Variants in FGF12 observed in about 807,000 individuals in gnomAD.
FGF12 encodes the protein fibroblast growth factor 12, also known as fibroblast growth factor 12B.
In FGF12, 14 loss-of-function variants were observed where a neutral mutation model predicts 23.6. The ratio of observed to expected loss-of-function variants is 0.59; its 90% CI spans 0.39 to 0.93. The LOEUF (loss-of-function observed/expected upper bound fraction) is 0.93. Among genes scored for constraint, FGF12 ranks in the 40% least tolerant of loss-of-function variants. FGF12 has a pLI of 0.00. For missense variants in FGF12, 175 were observed against 217.8 expected, an observed-to-expected ratio of 0.80 and a Z score of 1.24; for synonymous variants, 62 against 77.3, an observed-to-expected ratio of 0.80 and a Z score of 1.04.
At chr3:192,165,519 T>A (rs71635018) in intron 5 of FGF12, among the ~76,000 whole-genome samples, 13 of 2,226 alleles carry the variant, frequency 5.8e-3, no homozygotes, top group South Asian at 0.091. Flanking sequence ...CTGGTCCAAT[T>A]TTTTTTTTTT....
At chr3:192,239,927 A>G (rs2366573) in intron 4 of FGF12, among the ~76,000 whole-genome samples, 1 of 151,826 alleles carries the variant, frequency 6.6e-6, no homozygotes, top group Admixed American at 6.5e-5. Context: ...GTCTTAGTGA[A>G]ACAGGGTAAG....
At chr3:192,319,877 A>C (rs1268600540) in intron 4 of FGF12, among the ~76,000 whole-genome samples, 1 of 152,202 alleles carries the variant, frequency 6.6e-6, no homozygotes, top group Non-Finnish European at 1.5e-5. Flanking sequence ...AGAAATTAAA[A>C]TATGCTAGCA....
chr3:192,432,658 A>G lies in FGF12; in HGVS notation c.14-72120T>C, dbSNP rs191109232. Among the ~76,000 whole-genome samples, 1,222 of 151,892 alleles carry G rather than the reference A, an allele frequency of 8.0e-3. 20 individuals carry two copies. Among genetic ancestry groups the G allele is most frequent in the African/African-American group, 0.028 (1,162 of 41,370 alleles). Reference sequence around the variant, plus strand: ...AAAAAAAAAAGAAAGAAAGAAAGAAAGAAAAGAAAAGAAAGGATGTCAGTC... The same window carrying G: ...AAAAAAAAAAGAAAGAAAGAAAGAAGGAAAAGAAAAGAAAGGATGTCAGTC... On this transcript the variant is annotated intron_variant, in intron 2 of 5. Transcript: ENST00000445105.
rs918879715 is a variant in FGF12 at position 192,679,579 on chromosome 3, C to T, written c.13+47602G>A. 2.0e-5 allele frequency among the ~76,000 whole-genome samples: 3 copies of T among 152,082 alleles called. No individual in the cohort carries two copies. The South Asian group carries it at 6.2e-4, about 32-fold the overall frequency. On this transcript the variant is annotated intron_variant, in intron 2 of 5. Coordinates refer to ENST00000445105, the MANE Select transcript of FGF12 (RefSeq NM_004113.6). ...TGTGATTGTGCCACCGCACTCCAAC[C>T]TGGGTGACAGAGCAGGACCCTTTCT... is the stretch of plus-strand genomic sequence containing the variant.
chr3:192,313,338 A>T (rs1281807360), intron 4 of FGF12, among the ~76,000 whole-genome samples: 1 of 152,214 alleles, frequency 6.6e-6, no homozygotes, highest in Non-Finnish European at 1.5e-5. Flanking sequence ...ATTTTCAGGA[A>T]TAGCTATATT....
intron 4 of FGF12, among the ~76,000 whole-genome samples, chr3:192,241,030 A>G (rs1719590626): frequency 1.3e-5 from 2 of 152,202 alleles, no homozygotes; most frequent in Admixed American, 1.3e-4. Flanking sequence ...AAAATATTCA[A>G]GGAAAGAAAA....
At chr3:192,525,824 G>T (rs1477568641) in intron 2 of FGF12, among the ~76,000 whole-genome samples, 1 of 152,112 alleles carries the variant, frequency 6.6e-6, no homozygotes, top group African/African-American at 2.4e-5. Flanking sequence ...CGCCAGGCTG[G>T]AGTGCAGTGG....
chr3:192,158,393 CTCTCTTTCTT>C (rs1714617084), intron 5 of FGF12, among the ~76,000 whole-genome samples: 1 of 79,232 alleles, frequency 1.3e-5, no homozygotes, highest in African/African-American at 9.9e-5. Flanking sequence ...TTTTCTTTCT[CTCTCTTTCTT>C]TTTCTTTCTT....
At chr3:192,700,474 G>T (rs1718255915) in intron 2 of FGF12, among the ~76,000 whole-genome samples, 2 of 152,242 alleles carry the variant, frequency 1.3e-5, no homozygotes, top group South Asian at 4.1e-4. Context: ...TTAAAGATTT[G>T]TCACTGAAAC....
chr3:192,456,459 C>A (rs115162721), intron 2 of FGF12, among the ~76,000 whole-genome samples: 1 of 152,194 alleles, frequency 6.6e-6, no homozygotes, highest in African/African-American at 2.4e-5. Flanking sequence ...AAAGATTAAT[C>A]TTTTTTATTA....
chr3:192,387,258 C>T (rs1466330267), intron 2 of FGF12, among the ~76,000 whole-genome samples: 1 of 152,128 alleles, frequency 6.6e-6, no homozygotes, highest in Non-Finnish European at 1.5e-5. Context: ...ATTCAAATGA[C>T]ACCTCCTTGT....
intron 2 of FGF12, among the ~76,000 whole-genome samples, chr3:192,419,391 A>C (rs73064264): frequency 0.06 from 9,205 of 152,186 alleles, 827 homozygotes; most frequent in African/African-American, 0.2. Flanking sequence ...GAAGAACTTG[A>C]GTATTGTGTG....
At chr3:192,148,298 A>C (rs544072622) in intron 5 of FGF12, among the ~76,000 whole-genome samples, 1 of 152,220 alleles carries the variant, frequency 6.6e-6, no homozygotes, top group Non-Finnish European at 1.5e-5. Flanking sequence ...AAATTCTGAC[A>C]CATACTACAA....
At chr3:192,521,471 G>A (rs575932927) in intron 2 of FGF12, 6 of 152,212 alleles carry the variant, frequency 3.9e-5, no homozygotes, top group African/African-American at 1.4e-4. Context: ...TGTTTATTTT[G>A]CAAAATATGA....
rs143509316 is a variant in FGF12, at chr3:192,466,455, G to A, written c.14-105917C>T. ...TCACACATATGCAGTGGCTGGCACCGAGCACAACAGGTATATACCTCTCAA... is the reference window on the plus strand; with the variant it reads ...TCACACATATGCAGTGGCTGGCACCAAGCACAACAGGTATATACCTCTCAA... On this transcript the variant is annotated intron_variant, in intron 2 of 5. Transcript: ENST00000445105. Among the ~76,000 whole-genome samples the A allele has an allele frequency of 3.2e-4, 48 of 152,084 alleles. No individual in the cohort carries two copies. In the East Asian group the frequency reaches 3.7e-3, roughly 12 times the overall value.
chr3:192,195,720 G>A lies in FGF12; in HGVS notation c.229-25064C>T, dbSNP rs140771990. 4.4e-3 allele frequency among the ~76,000 whole-genome samples: 670 copies of A among 152,176 alleles called. 7 individuals carry two copies. The highest frequency in any genetic ancestry group is 0.015 in the African/African-American group (634 of 41,500). On this transcript the variant is annotated intron_variant, in intron 4 of 5. Transcript: ENST00000445105. ...TATACACATTTCACAATGTGTGTGT[G>A]TATATATATGTATGTATGTGTATAT... is the stretch of plus-strand genomic sequence containing the variant.
At chr3:192,554,361 T>A (rs1214845257) in intron 2 of FGF12, among the ~76,000 whole-genome samples, 1 of 152,138 alleles carries the variant, frequency 6.6e-6, no homozygotes, top group African/African-American at 2.4e-5. Context: ...TAGAAGCCAC[T>A]GAGAGCAAAA....
chr3:192,301,906 G>A (rs1020798466), intron 4 of FGF12, among the ~76,000 whole-genome samples: 15 of 152,060 alleles, frequency 9.9e-5, no homozygotes, highest in South Asian at 2.1e-4. Context: ...ACTGGAGCCC[G>A]AGCAACCACC....
chr3:192,564,037 G>GT (rs111447729), intron 2 of FGF12, among the ~76,000 whole-genome samples: 28,587 of 135,542 alleles, frequency 0.21, 2,953 homozygotes, highest in Middle Eastern at 0.33. Context: ...GTAGTTTTTT[G>GT]TTTTTTTTTG....
Sources: allele counts gnomAD v4.1 joint callset (sites outside exome capture counted in the v4.1 genomes callset), GRCh38; gene constraint gnomAD v4.1.1; transcripts MANE v1.5; gene names NCBI Gene and HGNC (gene_info 2026-07-23, HGNC 2026-07-21).